BICDL1: variants seen among roughly 807,000 people sequenced by gnomAD.
BICDL1 encodes BICD family-like cargo adapter 1.
BICDL1 carries 20 observed loss-of-function variants against 76.8 expected under a neutral mutation model. That is an observed-to-expected ratio of 0.26 (90% CI 0.18 to 0.38). The LOEUF is 0.38. Ranked by LOEUF, BICDL1 falls within the 10% of genes least tolerant of loss-of-function variation. The pLI is 1.00. For synonymous variants in BICDL1, 383 were observed against 337.1 expected (o/e 1.14, Z -1.49); for missense variants, 700 against 798.6 (o/e 0.88, Z 1.49).
chr12:119,991,351 GGAAA>G (rs1951519286), intron 1 of BICDL1, among the ~76,000 whole-genome samples: 1 of 152,204 alleles, frequency 6.6e-6, no homozygotes, highest in South Asian at 2.1e-4. Flanking sequence ...CAGTCAGAAT[GGAAA>G]TTCAGAAATA....
At chr12:120,012,430 G>A (rs1226491451) in intron 2 of BICDL1, among the ~76,000 whole-genome samples, 1 of 152,134 alleles carries the variant, frequency 6.6e-6, no homozygotes, top group African/African-American at 2.4e-5. Flanking sequence ...TTTGTCATTT[G>A]CAGAACTGTA....
At chr12:119,995,494 T>A (rs144664773) in intron 1 of BICDL1, among the ~76,000 whole-genome samples, 151 of 152,334 alleles carry the variant, frequency 9.9e-4, no homozygotes, top group African/African-American at 3.3e-3. Flanking sequence ...TGAATATTTT[T>A]AAGTCACTCT....
chr12:120,080,750 TG>T, intron 7 of BICDL1, 136 bp from the exon 8 acceptor site: 1 of 784,874 alleles, frequency 1.3e-6, no homozygotes, highest in Non-Finnish European at 2.0e-6. Flanking sequence ...TGAAGCAGGA[TG>T]GCAGTGGAAT....
At chr12:120,090,301 AGT>A in intron 9 of BICDL1, 1 of 481,010 alleles carries the variant, frequency 2.1e-6, no homozygotes, top group Non-Finnish European at 3.6e-6. Flanking sequence ...CTGGAGATGT[AGT>A]GATCTCCAGA....
At chr12:120,010,053 T>C (rs1403548125) in intron 2 of BICDL1, among the ~76,000 whole-genome samples, 3 of 152,230 alleles carry the variant, frequency 2.0e-5, no homozygotes, top group African/African-American at 7.2e-5. Context: ...AAAATAGTCA[T>C]CATGAACCCT....
chr12:120,082,116 CTCTT>C (rs1196522461), intron 8 of BICDL1, among the ~76,000 whole-genome samples: 1 of 152,162 alleles, frequency 6.6e-6, no homozygotes, highest in Non-Finnish European at 1.5e-5. Context: ...GTAACATCTC[CTCTT>C]TCTTCTTTTT....
chr12:120,014,310 C>T (rs1414895661), intron 2 of BICDL1, among the ~76,000 whole-genome samples: 1 of 152,120 alleles, frequency 6.6e-6, no homozygotes, highest in Non-Finnish European at 1.5e-5. Context: ...AATTATTCCT[C>T]AAAAACCAAA....
At chr12:120,084,218 G>A (rs987104575) in intron 8 of BICDL1, among the ~76,000 whole-genome samples, 2 of 151,788 alleles carry the variant, frequency 1.3e-5, no homozygotes, top group Admixed American at 6.6e-5. Context: ...TAGTCAGGAT[G>A]GTCTCGATCT....
At chr12:120,024,223 G>A (rs1406368774) in intron 2 of BICDL1, among the ~76,000 whole-genome samples, 1 of 152,192 alleles carries the variant, frequency 6.6e-6, no homozygotes, top group Non-Finnish European at 1.5e-5. Context: ...AGAGGTTGCA[G>A]TGAGCTGAGA....
intron 2 of BICDL1, among the ~76,000 whole-genome samples, chr12:120,060,584 AAATC>A (rs1953083627): frequency 6.6e-6 from 1 of 152,224 alleles, no homozygotes; most frequent in Admixed American, 6.5e-5. Flanking sequence ...ATTTAAATGA[AAATC>A]AACTAGAGTA....
At chr12:120,027,181 C>A (rs757425087) in intron 2 of BICDL1, among the ~76,000 whole-genome samples, 5 of 151,754 alleles carry the variant, frequency 3.3e-5, no homozygotes, top group African/African-American at 4.8e-5. Flanking sequence ...CAGGTGCACA[C>A]CACCACACCT....
intron 2 of BICDL1, among the ~76,000 whole-genome samples, chr12:120,050,192 T>C (rs1389100259): frequency 6.6e-6 from 1 of 152,174 alleles, no homozygotes; most frequent in Non-Finnish European, 1.5e-5. Flanking sequence ...ATATTCTGAA[T>C]ACAAGTCAGA....
chr12:120,077,542 A>AT (rs1873649561), intron 7 of BICDL1, among the ~76,000 whole-genome samples: 1 of 151,998 alleles, frequency 6.6e-6, no homozygotes, highest in Non-Finnish European at 1.5e-5. Flanking sequence ...AGTTAGAAGC[A>AT]TCCCATTTCT....
intron 2 of BICDL1, among the ~76,000 whole-genome samples, chr12:120,025,188 C>T (rs1338404225): frequency 6.6e-6 from 1 of 151,728 alleles, no homozygotes; most frequent in Non-Finnish European, 1.5e-5. Flanking sequence ...GTAGCTGGGA[C>T]TACAGGCGCC....
chr12:120,042,552 C>A (rs901875889), intron 2 of BICDL1, among the ~76,000 whole-genome samples: 15 of 152,080 alleles, frequency 9.9e-5, no homozygotes, highest in Non-Finnish European at 1.8e-4. Flanking sequence ...CGTCTGTAAT[C>A]CCAGGACTTT....
intron 2 of BICDL1, among the ~76,000 whole-genome samples, chr12:120,041,665 A>G (rs1952645096): frequency 1.3e-5 from 2 of 152,172 alleles, no homozygotes; most frequent in African/African-American, 2.4e-5. Context: ...GGCCTCTCTG[A>G]TAAGATGACA....
intron 2 of BICDL1, among the ~76,000 whole-genome samples, chr12:120,007,192 G>T (rs1951866694): frequency 2.0e-5 from 3 of 152,176 alleles, no homozygotes; most frequent in South Asian, 2.1e-4. Flanking sequence ...AGAGGGATAG[G>T]TTGGAATATA....
At chr12:120,039,545 G>A (rs1204994393) in intron 2 of BICDL1, among the ~76,000 whole-genome samples, 1 of 150,054 alleles carries the variant, frequency 6.7e-6, no homozygotes, top group East Asian at 2.0e-4. Context: ...GGCTGAGGCA[G>A]GGGAATTGCT....
intron 2 of BICDL1, chr12:119,999,822 A>G (rs1160064790): frequency 2.5e-5 from 11 of 441,110 alleles, no homozygotes; most frequent in Non-Finnish European, 4.9e-5. Context: ...AAATAAAACT[A>G]CCAACTCTTC....
Sources: gnomAD v4.1 joint callset for allele counts (sites outside exome capture counted in the v4.1 genomes callset) on GRCh38, gnomAD v4.1.1 for gene constraint, MANE v1.5 for transcripts, NCBI Gene and HGNC (gene_info 2026-07-23, HGNC 2026-07-21) for gene names.